Variants in SETBP1 observed in about 807,000 individuals in gnomAD.
The protein encoded by SETBP1 is SET-binding protein.
Under a neutral mutation model 101.0 loss-of-function variants are expected in SETBP1, and 9 were observed. The observed-to-expected ratio is 0.09, with a 90% CI of 0.05 to 0.16. SETBP1 has a LOEUF of 0.16. SETBP1 is among the 10% of genes least tolerant of loss of function. SETBP1 has a pLI of 1.00. For synonymous variants in SETBP1, 818 were observed against 788.5 expected (o/e 1.04, Z -0.63); for missense variants, 1,858 against 2,033.8 (o/e 0.91, Z 1.66).
intron 2 of SETBP1, among the ~76,000 whole-genome samples, chr18:44,730,298 G>A (rs11663988): frequency 0.014 from 2,176 of 152,318 alleles, 34 homozygotes; most frequent in Non-Finnish European, 0.024. Flanking sequence ...GAGTCAATAT[G>A]AGCTAAATGG....
intron 5 of SETBP1, among the ~76,000 whole-genome samples, chr18:45,052,760 T>G (rs769190817): frequency 4.0e-4 from 61 of 152,342 alleles, no homozygotes; most frequent in Non-Finnish European, 8.2e-4. Context: ...AATTGACATC[T>G]TTTTCTTTAA....
chr18:44,884,833 C>T (rs993150159), intron 3 of SETBP1, among the ~76,000 whole-genome samples: 4 of 152,040 alleles, frequency 2.6e-5, no homozygotes, highest in Non-Finnish European at 5.9e-5. Context: ...CTGGGTCTCT[C>T]AGTTTGTCAT....
intron 3 of SETBP1, among the ~76,000 whole-genome samples, chr18:44,887,083 C>CT (rs771688608): frequency 2.6e-5 from 4 of 152,038 alleles, no homozygotes; most frequent in Non-Finnish European, 5.9e-5. Context: ...TGTGGTTCCT[C>CT]TTAGTAGATG....
At chr18:44,838,146 C>T (rs1431121239) in intron 2 of SETBP1, among the ~76,000 whole-genome samples, 1 of 152,174 alleles carries the variant, frequency 6.6e-6, no homozygotes, top group East Asian at 1.9e-4. Flanking sequence ...CTTTTGCTTC[C>T]TCAGTCACTT....
chr18:45,016,110 T>C (rs1462903145), intron 4 of SETBP1, among the ~76,000 whole-genome samples: 1 of 152,222 alleles, frequency 6.6e-6, no homozygotes, highest in Non-Finnish European at 1.5e-5. Flanking sequence ...GCTGACCAGC[T>C]ACTTTATTTT....
At chr18:44,686,415 G>A (rs531728854) in intron 1 of SETBP1, among the ~76,000 whole-genome samples, 1 of 152,296 alleles carries the variant, frequency 6.6e-6, no homozygotes, top group African/African-American at 2.4e-5. Context: ...CCTCCAGGTG[G>A]CCAGCTAGTT....
intron 3 of SETBP1, among the ~76,000 whole-genome samples, chr18:44,930,386 T>G (rs1265117977): frequency 6.6e-6 from 1 of 152,270 alleles, no homozygotes; most frequent in South Asian, 2.1e-4. Context: ...GGGATATTGG[T>G]CTAAAATTCT....
intron 4 of SETBP1, among the ~76,000 whole-genome samples, chr18:44,966,139 G>A (rs2071716280): frequency 6.6e-6 from 1 of 152,222 alleles, no homozygotes; most frequent in South Asian, 2.1e-4. Flanking sequence ...GCAGCCATAA[G>A]TAAATGAATA....
chr18:45,009,573 G>T (rs775923231), intron 4 of SETBP1, among the ~76,000 whole-genome samples: 1 of 151,770 alleles, frequency 6.6e-6, no homozygotes, highest in Non-Finnish European at 1.5e-5. Context: ...CAGGCCCTTG[G>T]CTAATACTTT....
At chr18:44,849,547 G>T (rs1459916337) in intron 2 of SETBP1, among the ~76,000 whole-genome samples, 2 of 152,176 alleles carry the variant, frequency 1.3e-5, no homozygotes, top group Non-Finnish European at 2.9e-5. Flanking sequence ...CGGTGAGGTG[G>T]GTGCGGGGTG....
At chr18:44,766,132 T>C (rs961332156) in intron 2 of SETBP1, among the ~76,000 whole-genome samples, 4 of 152,220 alleles carry the variant, frequency 2.6e-5, no homozygotes, top group African/African-American at 9.7e-5. Context: ...AAGAACAAGA[T>C]AAGCTCTTTG....
At chr18:44,766,680 G>A (rs1285710332) in intron 2 of SETBP1, among the ~76,000 whole-genome samples, 3 of 152,120 alleles carry the variant, frequency 2.0e-5, no homozygotes, top group Non-Finnish European at 4.4e-5. Flanking sequence ...ACTTAAAAGT[G>A]GTTGAAAATG....
intron 2 of SETBP1, among the ~76,000 whole-genome samples, chr18:44,744,216 C>T (rs913250022): frequency 1.3e-5 from 2 of 152,226 alleles, no homozygotes; most frequent in Admixed American, 6.5e-5. Flanking sequence ...TGGAAGAGAC[C>T]AGAAGCCTTA....
At chr18:45,003,687 GA>G (rs34433996) in intron 4 of SETBP1, among the ~76,000 whole-genome samples, 53,440 of 135,498 alleles carry the variant, frequency 0.39, 9,556 homozygotes, top group South Asian at 0.5. Context: ...AATGTCATGG[GA>G]AAAAAAAAAA....
At chr18:44,692,897 C>T (rs925363220) in intron 1 of SETBP1, among the ~76,000 whole-genome samples, 9 of 152,104 alleles carry the variant, frequency 5.9e-5, no homozygotes, top group Non-Finnish European at 1.3e-4. Flanking sequence ...GCTGCTAGAG[C>T]ATGTGGTAGG....
intron 4 of SETBP1, among the ~76,000 whole-genome samples, chr18:45,031,717 G>A (rs914254382): frequency 1.3e-5 from 2 of 152,160 alleles, no homozygotes; most frequent in African/African-American, 4.8e-5. Context: ...GGAACCAACA[G>A]GAAGTGAGAC....
chr18:44,810,719 A>G (rs1458939000), intron 2 of SETBP1, among the ~76,000 whole-genome samples: 1 of 152,178 alleles, frequency 6.6e-6, no homozygotes, highest in African/African-American at 2.4e-5. Flanking sequence ...GTAAATTTCC[A>G]TGTAGATCAC....
intron 2 of SETBP1, among the ~76,000 whole-genome samples, chr18:44,858,567 T>C (rs2073019836): frequency 6.6e-6 from 1 of 152,252 alleles, no homozygotes; most frequent in African/African-American, 2.4e-5. Flanking sequence ...AGACAAAGAC[T>C]ATATTTTAAA....
intron 4 of SETBP1, among the ~76,000 whole-genome samples, chr18:45,036,183 A>G (rs762887910): frequency 1.6e-4 from 24 of 151,986 alleles, no homozygotes; most frequent in Non-Finnish European, 3.4e-4. Flanking sequence ...AATACAAACA[A>G]TTAGCCAGGT....
Sources: gnomAD v4.1 joint callset for allele counts (sites outside exome capture counted in the v4.1 genomes callset) on GRCh38, gnomAD v4.1.1 for gene constraint, MANE v1.5 for transcripts, NCBI Gene and HGNC (gene_info 2026-07-23, HGNC 2026-07-21) for gene names.